The following ISM1 variants were observed in gnomAD, a reference collection of about 807,000 sequenced individuals.
The protein encoded by ISM1 is isthmin 1, also known as isthmin-1.
Under a neutral mutation model 46.3 loss-of-function variants are expected in ISM1, and 25 were observed. That is an observed-to-expected ratio of 0.54 (90% CI 0.39 to 0.75). The LOEUF (loss-of-function observed/expected upper bound fraction) is 0.75, where lower values mean the gene tolerates loss of function less well. Among genes scored for constraint, ISM1 ranks in the 30% least tolerant of loss-of-function variants. The pLI is 0.00. For synonymous variants in ISM1, 255 were observed against 256.7 expected (o/e 0.99, Z 0.06); for missense variants, 536 against 625.4 (o/e 0.86, Z 1.52).
At chr20:13,230,271 T>C (rs2039574295) in intron 1 of ISM1, among the ~76,000 whole-genome samples, 1 of 152,196 alleles carries the variant, frequency 6.6e-6, no homozygotes, top group Non-Finnish European at 1.5e-5. Context: ...TTACGCTACA[T>C]GTTAATTTCA....
Position 13,279,689 on chromosome 20 carries a change from C to A in ISM1, c.434C>A (p.Pro145Gln). The A allele has an allele frequency of 1.2e-6, 2 of 1,613,958 alleles. No individual in the cohort carries two copies. Among genetic ancestry groups the A allele is most frequent in the African/African-American group, 1.3e-5 (1 of 75,020 alleles). Reference protein sequence around the residue: ...PDSEADKDQHPENKPSWSVPS... With the variant: ...PDSEADKDQHQENKPSWSVPS... ...TCTGAAGCAGATAAAGATCAGCATC[C>A]GGAGAATAAGCCCAGCTGGTCAGTC... is the stretch of plus-strand genomic sequence containing the variant. The change falls in exon 3 of 6, where the codon CCG becomes CAG. Residue 145 changes from proline to glutamine, a missense_variant. Physicochemically the swap from Pro to Gln is moderately conservative, Grantham distance 76. Transcript: ENST00000262487.
chr20:13,239,852 A>T (rs1448708311), intron 1 of ISM1, among the ~76,000 whole-genome samples: 1 of 152,166 alleles, frequency 6.6e-6, no homozygotes, highest in Non-Finnish European at 1.5e-5. Flanking sequence ...CCAGTACCAG[A>T]CTCCAAAGCA....
rs1183584907 is a variant in ISM1, at chr20:13,233,595, C to CAA, written c.138+11699_138+11700dup. 3.0e-3 allele frequency among the ~76,000 whole-genome samples: 189 copies of CAA among 63,672 alleles called. 2 individuals are homozygous for CAA. Among genetic ancestry groups the CAA allele is most frequent in the African/African-American group, 9.0e-3 (151 of 16,770 alleles). 41.8% of individuals were successfully genotyped at this position (63,672 alleles called of 152,430 possible). A position where few individuals can be genotyped will look rare whatever the true frequency, so the allele number is the denominator to read the frequency against. On this transcript the variant is annotated intron_variant, in intron 1 of 5. Coordinates refer to ENST00000262487, the MANE Select transcript of ISM1 (RefSeq NM_080826.2). ...GGGCAACAAGAGCGAAACTCCATCT[C>CAA]AAAAAAAAAAAAAAAAAAAGGAGAT...
chr20:13,280,799 T>C (rs971500183), intron 3 of ISM1, among the ~76,000 whole-genome samples: 2 of 152,194 alleles, frequency 1.3e-5, no homozygotes, highest in Non-Finnish European at 2.9e-5. Context: ...GTATTCTCTG[T>C]GTGTCCAAGA....
chr20:13,240,765 G>A (rs998546210), intron 1 of ISM1, among the ~76,000 whole-genome samples: 8 of 152,230 alleles, frequency 5.3e-5, no homozygotes, highest in African/African-American at 1.7e-4. Context: ...CCAGGGTAGA[G>A]AAGAGTGGAT....
chr20:13,226,414 AT>A (rs879620571), intron 1 of ISM1, among the ~76,000 whole-genome samples: 16 of 148,570 alleles, frequency 1.1e-4, no homozygotes, highest in South Asian at 6.3e-4. Context: ...TTTTACTGGA[AT>A]TTTTTTTTTT....
At chr20:13,252,414 G>A (rs916749260) in intron 1 of ISM1, among the ~76,000 whole-genome samples, 4 of 152,154 alleles carry the variant, frequency 2.6e-5, no homozygotes, top group Admixed American at 6.5e-5. Flanking sequence ...TGGGTTCATC[G>A]TGGGGAGGCT....
the ISM1 span, among the ~76,000 whole-genome samples, chr20:13,316,408 T>C: frequency 6.6e-6 from 1 of 151,832 alleles, no homozygotes; most frequent in African/African-American, 2.4e-5. Context: ...TTTCAGAAAA[T>C]AGAAGTAGAG....
At chr20:13,294,206 A>G (rs899786923) in intron 5 of ISM1, among the ~76,000 whole-genome samples, 12 of 152,196 alleles carry the variant, frequency 7.9e-5, no homozygotes, top group Non-Finnish European at 1.6e-4. Context: ...AATGCTTGAT[A>G]GAAATTTATT....
At chr20:13,274,992 A>G (rs1200389916) in intron 2 of ISM1, among the ~76,000 whole-genome samples, 1 of 152,194 alleles carries the variant, frequency 6.6e-6, no homozygotes, top group African/African-American at 2.4e-5. Context: ...AACAAGTTAG[A>G]CTTTGGTATC....
chr20:13,303,571 C>T (rs889105039), downstream of ISM1, among the ~76,000 whole-genome samples: 17 of 152,204 alleles, frequency 1.1e-4, no homozygotes, highest in African/African-American at 3.6e-4. Context: ...TCCAGCACTG[C>T]ACCTGGCATG....
intron 2 of ISM1, among the ~76,000 whole-genome samples, chr20:13,277,191 T>G (rs1293862449): frequency 6.6e-6 from 1 of 152,130 alleles, no homozygotes; most frequent in African/African-American, 2.4e-5. Context: ...TGAAATTGTT[T>G]TTATTCCCAG....
intron 1 of ISM1, among the ~76,000 whole-genome samples, chr20:13,251,439 ATC>A (rs1397852113): frequency 6.6e-6 from 1 of 152,170 alleles, no homozygotes; most frequent in Non-Finnish European, 1.5e-5. Flanking sequence ...GCGTCGTGGA[ATC>A]TCTGTTCAAA....
intron 3 of ISM1, 100 bp downstream of exon 3, chr20:13,279,998 T>G: frequency 8.2e-7 from 1 of 1,222,706 alleles, no homozygotes. Flanking sequence ...AGCATGTGGC[T>G]TTTGGTCTTC....
At chr20:13,246,482 T>C (rs1011437072) in intron 1 of ISM1, among the ~76,000 whole-genome samples, 2 of 152,188 alleles carry the variant, frequency 1.3e-5, no homozygotes, top group African/African-American at 4.8e-5. Context: ...TCCTCTGTTA[T>C]ACCCATGGCA....
At chr20:13,326,065 G>A in the ISM1 span, among the ~76,000 whole-genome samples, 1 of 152,180 alleles carries the variant, frequency 6.6e-6, no homozygotes, top group African/African-American at 2.4e-5. Flanking sequence ...AACATGCAGT[G>A]TGTTACCTTT....
intron 3 of ISM1, among the ~76,000 whole-genome samples, chr20:13,284,735 G>A (rs1477218850): frequency 6.6e-6 from 1 of 152,166 alleles, no homozygotes; most frequent in Non-Finnish European, 1.5e-5. Context: ...CTTCCTAGGA[G>A]GCAGTTTCAC....
the ISM1 span, among the ~76,000 whole-genome samples, chr20:13,326,016 T>A: frequency 6.6e-6 from 1 of 152,176 alleles, no homozygotes; most frequent in Non-Finnish European, 1.5e-5. Context: ...ACTGATCTGT[T>A]TTCCATCACT....
chr20:13,247,548 G>T (rs1379209647), intron 1 of ISM1, among the ~76,000 whole-genome samples: 1 of 151,630 alleles, frequency 6.6e-6, no homozygotes. Context: ...GTGTGTGTGT[G>T]TGTGTGTGTG....
Sources: gnomAD v4.1 joint callset for allele counts (sites outside exome capture counted in the v4.1 genomes callset) on GRCh38, gnomAD v4.1.1 for gene constraint, MANE v1.5 for transcripts, NCBI Gene and HGNC (gene_info 2026-07-23, HGNC 2026-07-21) for gene names.